The following KMT2C variants were observed in gnomAD, a reference collection of about 807,000 sequenced individuals.
KMT2C encodes the protein histone-lysine N-methyltransferase 2C.
A neutral mutation model predicts 507.9 loss-of-function variants in KMT2C; 88 were observed. The ratio of observed to expected loss-of-function variants is 0.17; its 90% CI spans 0.15 to 0.21. The LOEUF is 0.21. Ranked by LOEUF, KMT2C falls within the 10% of genes least tolerant of loss-of-function variation. The pLI is 1.00. For missense variants in KMT2C, 4,954 were observed against 5,957.8 expected, an observed-to-expected ratio of 0.83 and a Z score of 5.55; for synonymous variants, 2,049 against 2,080.8, an observed-to-expected ratio of 0.98 and a Z score of 0.42.
intron 3 of KMT2C, among the ~76,000 whole-genome samples, chr7:152,327,774 C>T (rs1255508798): frequency 6.6e-6 from 1 of 151,790 alleles, no homozygotes; most frequent in East Asian, 1.9e-4. Flanking sequence ...CTGGCTAACA[C>T]ATTGAAACCC....
chr7:152,352,618 G>A (rs2097122824), intron 2 of KMT2C, among the ~76,000 whole-genome samples: 2 of 152,142 alleles, frequency 1.3e-5, no homozygotes, highest in African/African-American at 4.8e-5. Context: ...CCGAAGCTTA[G>A]GGAAAATAGA....
At chr7:152,304,811 A>C (rs372105500) in intron 6 of KMT2C, among the ~76,000 whole-genome samples, 68 of 152,246 alleles carry the variant, frequency 4.5e-4, no homozygotes, top group African/African-American at 1.6e-3. Flanking sequence ...AACATGCTAG[A>C]ATTACAGGTG....
chr7:152,316,933 G>T (rs4726150), intron 3 of KMT2C, among the ~76,000 whole-genome samples: 137,341 of 152,180 alleles, frequency 0.9, 62,230 homozygotes, highest in East Asian at 1. Flanking sequence ...TATTTGTAAT[G>T]TTCTCTGAGC....
Position 152,287,897 on chromosome 7 carries a change from G to A in KMT2C, c.850-14030C>T, listed in dbSNP as rs553299164. 3.0e-4 allele frequency among the ~76,000 whole-genome samples: 46 copies of A among 151,040 alleles called. 1 individual carries two copies. The South Asian group carries it at 9.0e-3, about 30-fold the overall frequency. On this transcript the variant is annotated intron_variant, in intron 6 of 58. Coordinates refer to ENST00000262189, the MANE Select transcript of KMT2C (RefSeq NM_170606.3). Reference sequence around the variant, plus strand: ...AAATTAGCCAGGCATGGTGGTGCACGCCTGTGATTCCAGCTACTCAGGAGG... The same window carrying A: ...AAATTAGCCAGGCATGGTGGTGCACACCTGTGATTCCAGCTACTCAGGAGG...
At chr7:152,387,090 CA>C (rs1367352120) in intron 1 of KMT2C, among the ~76,000 whole-genome samples, 11 of 152,082 alleles carry the variant, frequency 7.2e-5, no homozygotes, top group African/African-American at 2.7e-4. Flanking sequence ...GTTTTACAAT[CA>C]AGAAGACACA....
intron 6 of KMT2C, among the ~76,000 whole-genome samples, chr7:152,305,419 C>T (rs917902649): frequency 6.6e-6 from 1 of 152,120 alleles, no homozygotes; most frequent in Admixed American, 6.5e-5. Context: ...TCTGCGTCTG[C>T]GTACTTGAGT....
intron 52 of KMT2C, among the ~76,000 whole-genome samples, chr7:152,147,215 A>T (rs1587672170): frequency 6.6e-6 from 1 of 151,984 alleles, no homozygotes; most frequent in South Asian, 2.1e-4. Context: ...TTGTTTGTGT[A>T]CTTTCTACAT....
chr7:152,214,554 C>A (rs62481494), intron 23 of KMT2C, among the ~76,000 whole-genome samples: 4 of 152,040 alleles, frequency 2.6e-5, no homozygotes, highest in African/African-American at 9.7e-5. Flanking sequence ...CTTTTTTCCC[C>A]CTCTTAACCA....
chr7:152,273,585 A>G, intron 7 of KMT2C, 120 bp downstream of exon 7: 1 of 1,029,364 alleles, frequency 9.7e-7, no homozygotes, highest in Non-Finnish European at 1.3e-6. Flanking sequence ...CTCAGATTTT[A>G]AAGATTATGT....
chr7:152,374,027 T>A (rs1415100746), intron 1 of KMT2C, among the ~76,000 whole-genome samples: 1 of 152,022 alleles, frequency 6.6e-6, no homozygotes, highest in Non-Finnish European at 1.5e-5. Context: ...AAATGAAAAC[T>A]ACTGGTCAGG....
intron 3 of KMT2C, among the ~76,000 whole-genome samples, chr7:152,328,626 A>C (rs1206701962): frequency 1.3e-5 from 2 of 152,170 alleles, no homozygotes; most frequent in African/African-American, 2.4e-5. Context: ...CATTATTAGA[A>C]TAATTTTTGC....
chr7:152,413,885 C>CAAA (rs56006056), intron 1 of KMT2C, among the ~76,000 whole-genome samples: 56 of 108,146 alleles, frequency 5.2e-4, no homozygotes, highest in Non-Finnish European at 6.7e-4. Flanking sequence ...AACTCCGTCT[C>CAAA]AAAAAAAAAA....
intron 6 of KMT2C, among the ~76,000 whole-genome samples, chr7:152,287,082 C>A (rs73164506): frequency 6.6e-5 from 10 of 152,198 alleles, no homozygotes. Context: ...AACTGGGACA[C>A]AGGACATTCA....
intron 14 of KMT2C, among the ~76,000 whole-genome samples, chr7:152,244,925 TTTAA>T (rs1473018437): frequency 1.3e-5 from 2 of 152,234 alleles, no homozygotes; most frequent in Non-Finnish European, 2.9e-5. Context: ...AAAACTAAAC[TTTAA>T]TTACTAACCT....
At chr7:152,324,564 T>G (rs891477761) in intron 3 of KMT2C, among the ~76,000 whole-genome samples, 26 of 151,804 alleles carry the variant, frequency 1.7e-4, no homozygotes, top group Non-Finnish European at 3.5e-4. Context: ...AACAGACAGC[T>G]GAATAGAAAA....
rs112800369 is a variant in KMT2C at position 152,135,511 on chromosome 7, CTTT to C, written c.*1318_*1320del. On this transcript the variant is annotated 3_prime_UTR_variant, in exon 59 of 59. Transcript: ENST00000262189. ...GCAGCTGTAAGCATAATCACATCTC[CTTT>C]TTTTTTTTAACTTTTTCAAATTTTT... The C allele has an allele frequency of 1.5e-5, 3 of 201,298 alleles. No homozygotes were observed. The highest frequency in any genetic ancestry group is 7.9e-5 in the East Asian group (1 of 12,678). 12.5% of individuals were successfully genotyped at this position (201,298 alleles called of 1,614,324 possible).
chr7:152,317,975 T>C (rs1006772832), intron 3 of KMT2C, among the ~76,000 whole-genome samples: 2 of 151,702 alleles, frequency 1.3e-5, no homozygotes, highest in African/African-American at 4.8e-5. Context: ...CCGTCTCTAC[T>C]AAAAATACAA....
intron 6 of KMT2C, among the ~76,000 whole-genome samples, chr7:152,292,408 T>C (rs1433957681): frequency 2.6e-5 from 4 of 152,182 alleles, no homozygotes; most frequent in South Asian, 2.1e-4. Flanking sequence ...ATTTGAAATA[T>C]ATGTGCTCTC....
intron 1 of KMT2C, among the ~76,000 whole-genome samples, chr7:152,417,707 T>G (rs2097753819): frequency 6.6e-6 from 1 of 152,110 alleles, no homozygotes; most frequent in South Asian, 2.1e-4. Flanking sequence ...AGTGGCATGA[T>G]CTCGGCTCAC....
Sources: allele counts gnomAD v4.1 joint callset (sites outside exome capture counted in the v4.1 genomes callset), GRCh38; gene constraint gnomAD v4.1.1; transcripts MANE v1.5; gene names NCBI Gene and HGNC (gene_info 2026-07-23, HGNC 2026-07-21).